Variants in AMZ2 observed in about 807,000 individuals in gnomAD.
AMZ2 encodes archaelysin family metallopeptidase 2.
Under a neutral mutation model 36.7 loss-of-function variants are expected in AMZ2, and 26 were observed. The ratio of observed to expected loss-of-function variants is 0.71; its 90% CI spans 0.52 to 0.98. The LOEUF is 0.98. AMZ2 is among the 50% of genes least tolerant of loss of function. The pLI, the probability that AMZ2 is intolerant of heterozygous loss-of-function variation, is 0.00. For synonymous variants in AMZ2, 144 were observed against 149.1 expected (o/e 0.97, Z 0.25); for missense variants, 394 against 430.5 (o/e 0.92, Z 0.75).
At chr17:68,216,845 A>G (rs2073207975) in intron 1 of AMZ2, among the ~76,000 whole-genome samples, 1 of 152,122 alleles carries the variant, frequency 6.6e-6, no homozygotes, top group Non-Finnish European at 1.5e-5. Flanking sequence ...CCTGCCTAAC[A>G]TGGTGAAATC....
chr17:68,249,080 G>A, intron 1 of AMZ2: 3 of 1,187,308 alleles, frequency 2.5e-6, no homozygotes, highest in Non-Finnish European at 3.1e-6. Context: ...CGATGTGAAT[G>A]GAAGAAACCT....
At position 68,255,760 on chromosome 17, in the gene AMZ2, C is replaced by T. The variant is rs1555742470; in HGVS notation, c.811C>T (p.Leu271Phe). 1 of 1,614,144 alleles carries T rather than the reference C, an allele frequency of 6.2e-7. No homozygotes were observed. The highest frequency in any genetic ancestry group is 1.7e-5 in the Admixed American group (1 of 60,024). Residue 271 changes from leucine (L) to phenylalanine (F), a missense_variant, in exon 6 of 7, where the codon CTC becomes TTC. Physicochemically the swap from Leu to Phe is conservative, Grantham distance 22. Transcript: ENST00000359904. ...GCGACACTGCCAGTGGCTTGCATGC[C>T]TCATGCAAGGCTCCAACCACTTGGA... ...GLRHCQWLAC[L>F]MQGSNHLEEA...
intron 1 of AMZ2, among the ~76,000 whole-genome samples, chr17:68,232,891 A>G (rs1479458048): frequency 6.6e-6 from 1 of 152,216 alleles, no homozygotes; most frequent in Admixed American, 6.5e-5. Context: ...GGAAGCATCA[A>G]CTTCCAGGCT....
chr17:68,218,360 A>AT (rs11388380), intron 1 of AMZ2, among the ~76,000 whole-genome samples: 23,617 of 149,330 alleles, frequency 0.16, 1,936 homozygotes, highest in East Asian at 0.26. Flanking sequence ...ATTATGTTTT[A>AT]TTTTTTTTTT....
At chr17:68,211,738 GTGTATATGTATATATGTATATGTA>G (rs2073057200) in intron 1 of AMZ2, among the ~76,000 whole-genome samples, 1 of 101,068 alleles carries the variant, frequency 9.9e-6, no homozygotes, top group Non-Finnish European at 1.9e-5. Context: ...ATGTATATAT[GTGTATATGTATATATGTATATGTA>G]TATATGTGTA....
At position 68,235,945 on chromosome 17, in the gene AMZ2, T is replaced by C. The variant is rs1443508998; in HGVS notation, c.-66-12695T>C. 3.3e-5 allele frequency among the ~76,000 whole-genome samples: 5 copies of C among 152,122 alleles called. No homozygotes were observed. The highest frequency in any genetic ancestry group is 7.4e-5 in the Non-Finnish European group (5 of 68,020). ...CCCGGGCTCAAGCGATTCTCCTGCCTCAGGCTCCCAAGTAGCTGGGATTAT... is the reference window on the plus strand; with the variant it reads ...CCCGGGCTCAAGCGATTCTCCTGCCCCAGGCTCCCAAGTAGCTGGGATTAT... On this transcript the variant is annotated intron_variant, in intron 1 of 7. Coordinates refer to the AMZ2 transcript ENST00000674770. This position sits in a 1 kb window ranked among gnomAD's most constrained non-coding sequence, Gnocchi z 4.2.
upstream of AMZ2, among the ~76,000 whole-genome samples, chr17:68,245,912 A>G (rs1599383480): frequency 1.3e-5 from 2 of 152,316 alleles, no homozygotes; most frequent in African/African-American, 4.8e-5. Context: ...AGAGGTGACA[A>G]CTAAGCTAAA....
rs1440427493 is a variant in AMZ2, at chr17:68,235,495, C to G, written c.-66-13145C>G. Among the ~76,000 whole-genome samples, 1 of 152,134 alleles carries G rather than the reference C, an allele frequency of 6.6e-6. No homozygotes were observed. The highest frequency in any genetic ancestry group is 2.4e-5 in the African/African-American group (1 of 41,432). On this transcript the variant is annotated intron_variant, in intron 1 of 7. Coordinates refer to the AMZ2 transcript ENST00000674770. The surrounding 1 kb of genome is among the most constrained non-coding windows in gnomAD (Gnocchi z 4.2). ...ACCCAAGTCCACAGACCGTGGAGTT[C>G]GCGCCCTCTCACTGTGGCACACGGG...
chr17:68,247,754 C>T (rs752049140), upstream of AMZ2: 3 of 985,392 alleles, frequency 3.0e-6, no homozygotes, highest in South Asian at 4.7e-5. Context: ...GCGACGCGGG[C>T]GCATCTGTGG....
At chr17:68,233,451 G>A (rs374135140) in intron 1 of AMZ2, among the ~76,000 whole-genome samples, 3 of 150,882 alleles carry the variant, frequency 2.0e-5, no homozygotes, top group East Asian at 3.9e-4. Context: ...GGAGGTTGCA[G>A]TGAGCCGATA....
At chr17:68,209,946 T>C (rs4968835) in intron 1 of AMZ2, among the ~76,000 whole-genome samples, 37,839 of 151,830 alleles carry the variant, frequency 0.25, 5,060 homozygotes, top group South Asian at 0.29. Context: ...ATTTTAAAAA[T>C]TAAAATATTA....
chr17:68,255,856 A>C lies in AMZ2; in HGVS notation c.907A>C (p.Ser303Arg), dbSNP rs1555742637. The change falls in exon 6 of 7, where the codon AGC becomes CGC. Residue 303 changes from serine (S) to arginine (R), a missense_variant. Transcript: ENST00000359904. The part of the protein sequence containing the change: ...LHKLQCAVGF[S>R]IVERYKALVR... ...CAAGTTGCAGTGTGCTGTTGGCTTCAGCATTGTAGAAAGATACAAAGTAAG... is the reference window on the plus strand; with the variant it reads ...CAAGTTGCAGTGTGCTGTTGGCTTCCGCATTGTAGAAAGATACAAAGTAAG... The C allele has an allele frequency of 6.2e-7, 1 of 1,614,210 alleles. No individual in the cohort carries two copies. The highest frequency in any genetic ancestry group is 1.7e-5 in the Admixed American group (1 of 60,030).
Position 68,255,729 on chromosome 17 carries a change from T to C in AMZ2, c.780T>C (p.Phe260=). The change falls in exon 6 of 7, where the codon TTT becomes TTC. Residue 260 remains phenylalanine (F), a synonymous_variant. Transcript: ENST00000359904. ...KTLTHEIGHI[F]GLRHCQWLAC... ...TAACCCATGAGATCGGACACATATTTGGACTGCGACACTGCCAGTGGCTTG... is the reference window on the plus strand; with the variant it reads ...TAACCCATGAGATCGGACACATATTCGGACTGCGACACTGCCAGTGGCTTG... 6 of 1,614,210 alleles carry C rather than the reference T, an allele frequency of 3.7e-6. No homozygotes were observed. Among genetic ancestry groups the C allele is most frequent in the Non-Finnish European group, 5.1e-6 (6 of 1,180,022 alleles).
At chr17:68,234,183 T>G (rs1415821695) in intron 1 of AMZ2, among the ~76,000 whole-genome samples, 1 of 151,762 alleles carries the variant, frequency 6.6e-6, no homozygotes, top group East Asian at 1.9e-4. Flanking sequence ...AATACAAAAT[T>G]AGCTGGGTGT....
intron 1 of AMZ2, among the ~76,000 whole-genome samples, chr17:68,216,172 C>T (rs11655770): frequency 0.072 from 11,019 of 152,248 alleles, 630 homozygotes; most frequent in East Asian, 0.29. Context: ...GTCTCACTGT[C>T]GCCCAGGCTA....
intron 1 of AMZ2, among the ~76,000 whole-genome samples, chr17:68,225,758 G>A (rs1412574628): frequency 6.6e-6 from 1 of 152,006 alleles, no homozygotes. Flanking sequence ...AAGTAGCTGG[G>A]ATTACAGGTG....
Position 68,251,190 on chromosome 17 carries a change from T to C in AMZ2, c.586+12T>C, listed in dbSNP as rs536903586. ...CTCTTTGACAGATGGTATTCCGTTT[T>C]TGGCATTGTTGTTAGAAGCTTCTTC... On this transcript the variant is annotated intron_variant, in intron 4 of 6. Transcript: ENST00000359904. 2.8e-4 allele frequency: 446 copies of C among 1,601,106 alleles called. 6 individuals carry two copies. The South Asian group carries it at 4.9e-3, about 17-fold the overall frequency.
intron 6 of AMZ2, among the ~76,000 whole-genome samples, chr17:68,256,230 A>G (rs1434928690): frequency 2.0e-5 from 3 of 152,186 alleles, no homozygotes; most frequent in Admixed American, 1.3e-4. Flanking sequence ...CTTTCCAAAT[A>G]TGGGACAGAG....
intron 1 of AMZ2, among the ~76,000 whole-genome samples, chr17:68,227,699 T>C (rs1555730237): frequency 6.6e-6 from 1 of 152,164 alleles, no homozygotes; most frequent in Non-Finnish European, 1.5e-5. Flanking sequence ...TCTGTCTCCC[T>C]CTTACAGAGA....
Sources: allele counts gnomAD v4.1 joint callset (sites outside exome capture counted in the v4.1 genomes callset), GRCh38; gene constraint gnomAD v4.1.1; non-coding constraint Gnocchi (gnomAD v3.1); transcripts MANE v1.5; gene names NCBI Gene and HGNC (gene_info 2026-07-23, HGNC 2026-07-21).